Variants in ZBTB44 observed in about 807,000 individuals in gnomAD.
ZBTB44 encodes zinc finger and BTB domain-containing protein 44.
Under a neutral mutation model 54.0 loss-of-function variants are expected in ZBTB44, and 15 were observed. The observed-to-expected ratio is 0.28, with a 90% CI of 0.19 to 0.43. The LOEUF is 0.43. Ranked by LOEUF, ZBTB44 falls within the 20% of genes least tolerant of loss-of-function variation. ZBTB44 has a pLI of 1.00. For synonymous variants in ZBTB44, 230 were observed against 250.1 expected, an observed-to-expected ratio of 0.92 and a Z score of 0.76; for missense variants, 487 against 707.1, an observed-to-expected ratio of 0.69 and a Z score of 3.53.
intron 4 of ZBTB44, among the ~76,000 whole-genome samples, 153 bp from the exon 5 acceptor site, chr11:130,237,246 A>G (rs1433242085): frequency 6.6e-6 from 1 of 152,248 alleles, no homozygotes; most frequent in Admixed American, 6.5e-5. Flanking sequence ...TATCTCAGAA[A>G]ATGTGCAGAA....
chr11:130,269,502 T>G lies in ZBTB44; in HGVS notation c.-56-7573A>C, dbSNP rs770564390. 3.9e-5 allele frequency among the ~76,000 whole-genome samples: 6 copies of G among 152,238 alleles called. No individual in the cohort carries two copies. The South Asian group carries it at 1.0e-3, about 26-fold the overall frequency. Reference sequence around the variant, plus strand: ...CTATTCAGTAATTCAGGAAGTTTACTTCCCACCCATTTTATTCCAAATTAC... The same window carrying G: ...CTATTCAGTAATTCAGGAAGTTTACGTCCCACCCATTTTATTCCAAATTAC... On this transcript the variant is annotated intron_variant, in intron 1 of 7. Coordinates refer to ENST00000357899, the MANE Select transcript of ZBTB44 (RefSeq NM_001301098.2).
intron 1 of ZBTB44, among the ~76,000 whole-genome samples, chr11:130,302,886 A>G (rs1170708002): frequency 6.6e-6 from 1 of 152,078 alleles, no homozygotes; most frequent in Non-Finnish European, 1.5e-5. Flanking sequence ...GAGGCGGGAG[A>G]ATCTCTTGAA....
intron 2 of ZBTB44, among the ~76,000 whole-genome samples, chr11:130,244,560 G>A (rs1349268699): frequency 1.3e-5 from 2 of 151,442 alleles, no homozygotes; most frequent in African/African-American, 2.4e-5. Flanking sequence ...CCAGCTACTC[G>A]GGAGGCTGAG....
chr11:130,244,915 C>G (rs911668233), intron 2 of ZBTB44, among the ~76,000 whole-genome samples: 1 of 152,104 alleles, frequency 6.6e-6, no homozygotes, highest in Admixed American at 6.5e-5. Context: ...TTAAGGCATC[C>G]AAACTTTATT....
At position 130,269,226 on chromosome 11, in the gene ZBTB44, T is replaced by C. The variant is rs147649281; in HGVS notation, c.-56-7297A>G. 8.7e-3 allele frequency among the ~76,000 whole-genome samples: 1,309 copies of C among 151,004 alleles called. 18 individuals carry two copies. Among genetic ancestry groups the C allele is most frequent in the African/African-American group, 0.03 (1,220 of 40,982 alleles). Reference sequence around the variant, plus strand: ...ATCACTTGAACCCGGGAGGTGGAGATTGCAGTGAGCCGAGATCACACTATT... The same window carrying C: ...ATCACTTGAACCCGGGAGGTGGAGACTGCAGTGAGCCGAGATCACACTATT... On this transcript the variant is annotated intron_variant, in intron 1 of 7. Transcript: ENST00000357899.
chr11:130,308,898 G>C (rs901499996), intron 1 of ZBTB44, among the ~76,000 whole-genome samples: 1 of 152,200 alleles, frequency 6.6e-6, no homozygotes, highest in African/African-American at 2.4e-5. Flanking sequence ...AAGGGAAAAG[G>C]AGTCAGGCGG....
intron 2 of ZBTB44, among the ~76,000 whole-genome samples, chr11:130,251,280 G>C (rs1009367372): frequency 4.6e-5 from 7 of 152,084 alleles, no homozygotes; most frequent in African/African-American, 1.7e-4. Flanking sequence ...AAGCCTCCAA[G>C]AAATATGGGA....
At chr11:130,262,330 G>A (rs1443498732) in intron 1 of ZBTB44, among the ~76,000 whole-genome samples, 3 of 151,990 alleles carry the variant, frequency 2.0e-5, no homozygotes, top group African/African-American at 7.3e-5. Flanking sequence ...GTAGAGATGG[G>A]GTTTCACCAT....
chr11:130,282,344 T>C (rs1033050038), intron 1 of ZBTB44, among the ~76,000 whole-genome samples: 1 of 152,220 alleles, frequency 6.6e-6, no homozygotes, highest in Non-Finnish European at 1.5e-5. Context: ...TGTTCTACTT[T>C]CTGTCTCTAT....
At chr11:130,247,857 G>A (rs181550531) in intron 2 of ZBTB44, among the ~76,000 whole-genome samples, 24 of 152,310 alleles carry the variant, frequency 1.6e-4, no homozygotes, top group Middle Eastern at 3.4e-3. Context: ...AAGGACTAGA[G>A]AGTTATCTTT....
At chr11:130,306,455 T>C (rs981658138) in intron 1 of ZBTB44, among the ~76,000 whole-genome samples, 2 of 151,694 alleles carry the variant, frequency 1.3e-5, no homozygotes, top group Non-Finnish European at 2.9e-5. Flanking sequence ...TGAGCCGAGA[T>C]TGCGCCACTG....
chr11:130,274,089 T>TAA (rs796558116), intron 1 of ZBTB44, among the ~76,000 whole-genome samples: 2 of 141,480 alleles, frequency 1.4e-5, no homozygotes, highest in African/African-American at 5.2e-5. Flanking sequence ...TTGTCTCAAA[T>TAA]AAAAAAAAAA....
intron 1 of ZBTB44, chr11:130,296,104 C>G (rs1469379484): frequency 1.3e-6 from 2 of 1,564,202 alleles, no homozygotes; most frequent in Non-Finnish European, 1.8e-6. Flanking sequence ...AATTATTAAA[C>G]TTTTGCCAAC....
chr11:130,292,463 T>C (rs977494743), intron 1 of ZBTB44, among the ~76,000 whole-genome samples: 1 of 152,064 alleles, frequency 6.6e-6, no homozygotes, highest in Non-Finnish European at 1.5e-5. Context: ...CTATATTCTA[T>C]AACTGCCTAA....
In ZBTB44 at chr11:130,228,475, C is replaced by G. The variant is rs1385962830; in HGVS notation, c.*3289G>C. 1.2e-4 allele frequency: 19 copies of G among 152,166 alleles called. No individual in the cohort carries two copies. 9.4% of individuals were successfully genotyped at this position (152,166 alleles called of 1,614,324 possible). On this transcript the variant is annotated 3_prime_UTR_variant, in exon 8 of 8. Coordinates refer to ENST00000357899, the MANE Select transcript of ZBTB44 (RefSeq NM_001301098.2). ...ATTGGTAACTGAAATAAAAAATCGC[C>G]TAGAGAAAACACACATAAGCTAATC...
At chr11:130,276,434 T>A (rs188529480) in intron 1 of ZBTB44, among the ~76,000 whole-genome samples, 7 of 150,912 alleles carry the variant, frequency 4.6e-5, no homozygotes, top group Non-Finnish European at 1.0e-4. Flanking sequence ...TACGTTTCTT[T>A]TTTTTTTCTT....
chr11:130,239,750 C>A (rs368767667), intron 3 of ZBTB44, 62 bp downstream of exon 3: 2 of 1,349,546 alleles, frequency 1.5e-6, no homozygotes, highest in Non-Finnish European at 1.0e-6. Context: ...AGATGAAATG[C>A]TTGAATTTGG....
At chr11:130,246,535 T>C (rs1181832425) in intron 2 of ZBTB44, among the ~76,000 whole-genome samples, 1 of 152,108 alleles carries the variant, frequency 6.6e-6, no homozygotes, top group Admixed American at 6.6e-5. Context: ...TCTCCCCAAT[T>C]AGAAGTGCTG....
chr11:130,253,147 T>C (rs914347249), intron 2 of ZBTB44, among the ~76,000 whole-genome samples: 10 of 151,364 alleles, frequency 6.6e-5, no homozygotes, highest in Admixed American at 1.3e-4. Context: ...CCTTTGAAAA[T>C]TGACACAAGA....
Sources: allele counts gnomAD v4.1 joint callset (sites outside exome capture counted in the v4.1 genomes callset), GRCh38; gene constraint gnomAD v4.1.1; transcripts MANE v1.5; gene names NCBI Gene and HGNC (gene_info 2026-07-23, HGNC 2026-07-21).